Variants in SLC11A2 observed in about 807,000 individuals in gnomAD.
SLC11A2 encodes solute carrier family 11 member 2.
In SLC11A2, 38 loss-of-function variants were observed where a neutral mutation model predicts 68.0. The ratio of observed to expected loss-of-function variants is 0.56; its 90% confidence interval spans 0.43 to 0.73. The LOEUF is 0.73. SLC11A2 is among the 30% of genes least tolerant of loss of function. SLC11A2 has a pLI of 0.00. For synonymous variants in SLC11A2, 242 were observed against 250.6 expected (o/e 0.97, Z 0.32); for missense variants, 517 against 690.5 (o/e 0.75, Z 2.82).
the SLC11A2 span, chr12:50,970,519 G>A: frequency 1.0e-5 from 15 of 1,491,318 alleles, no homozygotes; most frequent in Non-Finnish European, 1.4e-5. Context: ...CTTACATGCT[G>A]GAAGCAAGAA....
At chr12:50,961,818 A>G in the SLC11A2 span, among the ~76,000 whole-genome samples, 27,833 of 152,116 alleles carry the variant, frequency 0.18, 2,909 homozygotes, top group East Asian at 0.5. Flanking sequence ...GTAGGATGGA[A>G]ATTACAGAAT....
At chr12:51,005,660 T>C (rs955683847) in intron 3 of SLC11A2, 11 of 1,346,160 alleles carry the variant, frequency 8.2e-6, no homozygotes, top group East Asian at 4.2e-5. Flanking sequence ...TACCTGCAGG[T>C]TCCATCAGCC....
At chr12:51,018,250 C>T (rs995020319) in intron 1 of SLC11A2, among the ~76,000 whole-genome samples, 7 of 152,042 alleles carry the variant, frequency 4.6e-5, no homozygotes, top group African/African-American at 1.7e-4. Context: ...CAAAAATTAG[C>T]CGGGCGTGGT....
the SLC11A2 span, among the ~76,000 whole-genome samples, chr12:50,961,500 C>G: frequency 6.8e-6 from 1 of 147,434 alleles, no homozygotes; most frequent in Non-Finnish European, 1.5e-5. Context: ...TAGTTATTAG[C>G]TTAGGAAGAA....
chr12:50,984,812 C>T (rs1449909383), downstream of SLC11A2, among the ~76,000 whole-genome samples: 1 of 152,260 alleles, frequency 6.6e-6, no homozygotes, highest in East Asian at 1.9e-4. Flanking sequence ...CATATTCTAG[C>T]ACTAATCAGA....
chr12:51,000,174 A>C, intron 6 of SLC11A2, 139 bp downstream of exon 6: 2 of 708,766 alleles, frequency 2.8e-6, no homozygotes, highest in South Asian at 3.0e-5. Context: ...GGGAGAAGAA[A>C]TTGTTTCCAG....
chr12:51,010,299 C>T (rs1288744291), intron 2 of SLC11A2, among the ~76,000 whole-genome samples: 1 of 152,146 alleles, frequency 6.6e-6, no homozygotes, highest in East Asian at 1.9e-4. Context: ...GGGCGGATCA[C>T]TTGAGGTCAG....
chr12:50,996,023 C>A (rs993859010), intron 9 of SLC11A2, among the ~76,000 whole-genome samples: 1 of 152,182 alleles, frequency 6.6e-6, no homozygotes, highest in Non-Finnish European at 1.5e-5. Context: ...AAATAGGGAA[C>A]AGAGACTAAA....
Position 51,000,408 on chromosome 12 carries a change from G to T in SLC11A2, c.441C>A (p.Val147=). 6.2e-7 allele frequency: 1 copy of T among 1,612,230 alleles called. No individual in the cohort carries two copies. The highest frequency in any genetic ancestry group is 1.1e-5 in the South Asian group (1 of 91,028). The part of the protein sequence containing the change: ...CHRQYPKVPR[V]ILWLMVELAI... ...CCAACTCCACCATCAGCCACAGGAT[G>T]ACTCGTGGGACCTAAACATCAAACA... Residue 147 remains valine (V), a synonymous_variant, in exon 6 of 16, where the codon GTC becomes GTA. Coordinates refer to ENST00000262052, the MANE Select transcript of SLC11A2 (RefSeq NM_000617.3).
intron 1 of SLC11A2, among the ~76,000 whole-genome samples, chr12:51,023,206 G>C (rs749392565): frequency 2.6e-5 from 4 of 152,218 alleles, no homozygotes; most frequent in Non-Finnish European, 5.9e-5. Flanking sequence ...CAGCACTTTG[G>C]GAGGCCAAGG....
chr12:51,009,166 T>C lies in SLC11A2; in HGVS notation c.35-542A>G, dbSNP rs1942999735. 10 of 1,496,378 alleles carry C rather than the reference T, an allele frequency of 6.7e-6. No individual in the cohort carries two copies. The East Asian group carries it at 7.6e-5, about 11-fold the overall frequency. 92.7% of individuals were successfully genotyped at this position (1,496,378 alleles called of 1,614,324 possible). Reference sequence around the variant, plus strand: ...TACCTCCATCAGACTTCTCAAAAAATGTGCAAGTTACAAAATCCTGCCACA... The same window carrying C: ...TACCTCCATCAGACTTCTCAAAAAACGTGCAAGTTACAAAATCCTGCCACA... On this transcript the variant is annotated intron_variant, in intron 2 of 15. Transcript: ENST00000262052.
intron 2 of SLC11A2, among the ~76,000 whole-genome samples, chr12:51,010,292 C>A (rs960143478): frequency 6.6e-6 from 1 of 151,856 alleles, no homozygotes. Context: ...CTGAGACGGG[C>A]GGATCACTTG....
rs761220255 is a variant in SLC11A2, at chr12:50,986,682, C to G, written c.*1643G>C. 2 of 1,286,288 alleles carry G rather than the reference C, an allele frequency of 1.6e-6. No individual in the cohort carries two copies. Among genetic ancestry groups the G allele is most frequent in the Non-Finnish European group, 2.0e-6 (2 of 988,276 alleles). The allele number at this position is 1,286,288 out of a possible 1,614,324, so 79.7% of individuals were successfully genotyped here. ...CCTTTATGACCAGTTTGGAGAATTA[C>G]GATGGTAAGGGGAAGAGGCAGATAT... On this transcript the variant is annotated 3_prime_UTR_variant, in exon 16 of 16. Coordinates refer to ENST00000262052, the MANE Select transcript of SLC11A2 (RefSeq NM_000617.3).
chr12:50,993,122 T>C (rs1023693327), intron 11 of SLC11A2, 193 bp from the exon 12 acceptor site: 2 of 632,202 alleles, frequency 3.2e-6, no homozygotes, highest in South Asian at 3.6e-5. Flanking sequence ...TAAACTTTAC[T>C]GGATGCTCCT....
the SLC11A2 span, among the ~76,000 whole-genome samples, chr12:50,972,973 T>A: frequency 1.3e-5 from 2 of 152,020 alleles, no homozygotes; most frequent in South Asian, 2.1e-4. Flanking sequence ...GAGGCTTGAG[T>A]AGGTAAACAA....
rs780962922 is a variant in SLC11A2, at chr12:50,990,876, A to G, written c.1494T>C (p.Tyr498=). 3.8e-5 allele frequency: 62 copies of G among 1,614,026 alleles called. No individual in the cohort carries two copies. Among genetic ancestry groups the G allele is most frequent in the Middle Eastern group, 3.3e-4 (2 of 6,084 alleles). ...ATGCCACATGCCCTAGGTCCCGGAC[A>G]TAAACCACTACAAAGTACATATTGA... ...CSINMYFVVV[Y]VRDLGHVALY... The change falls in exon 15 of 16, where the codon TAT becomes TAC. Residue 498 remains tyrosine, a synonymous_variant. Coordinates refer to ENST00000262052, the MANE Select transcript of SLC11A2 (RefSeq NM_000617.3).
chr12:50,969,773 G>A, the SLC11A2 span, among the ~76,000 whole-genome samples: 1 of 151,978 alleles, frequency 6.6e-6, no homozygotes, highest in Non-Finnish European at 1.5e-5. Context: ...CTCAGAAGAG[G>A]GATCTAATTT....
chr12:50,953,094 G>A, the SLC11A2 span, among the ~76,000 whole-genome samples: 48 of 152,090 alleles, frequency 3.2e-4, no homozygotes, highest in African/African-American at 1.1e-3. Flanking sequence ...AATACCAGCC[G>A]ACCACTCCCC....
At chr12:51,027,079 G>C (rs1944423329), upstream of SLC11A2, among the ~76,000 whole-genome samples, 2 of 152,138 alleles carry the variant, frequency 1.3e-5, no homozygotes, top group African/African-American at 4.8e-5. Flanking sequence ...GGGAGGCTGA[G>C]GCAAGAGAAT....
Sources: allele counts gnomAD v4.1 joint callset (sites outside exome capture counted in the v4.1 genomes callset), GRCh38; gene constraint gnomAD v4.1.1; transcripts MANE v1.5; gene names NCBI Gene and HGNC (gene_info 2026-07-23, HGNC 2026-07-21).